The following SUPT3H variants were observed in gnomAD, a reference collection of about 807,000 sequenced individuals.
SUPT3H encodes transcription initiation protein SPT3 homolog.
SUPT3H carries 44 observed loss-of-function variants against 44.3 expected under a neutral mutation model. The ratio of observed to expected loss-of-function variants is 0.99; its 90% CI spans 0.78 to 1.28. The LOEUF is 1.28. Ranked by LOEUF, SUPT3H falls within the 50% of genes most tolerant of loss-of-function variation. The pLI, the probability that SUPT3H is intolerant of heterozygous loss-of-function variation, is 0.00. For synonymous variants in SUPT3H, 124 were observed against 125.6 expected (o/e 0.99, Z 0.09); for missense variants, 380 against 387.1 (o/e 0.98, Z 0.15).
At chr6:44,899,860 T>C (rs554132753) in intron 10 of SUPT3H, among the ~76,000 whole-genome samples, 13 of 152,214 alleles carry the variant, frequency 8.5e-5, no homozygotes, top group African/African-American at 1.2e-4. Flanking sequence ...ATGAATTTCA[T>C]AGACTTTCTG....
At chr6:45,032,804 C>G (rs556661489) in intron 3 of SUPT3H, among the ~76,000 whole-genome samples, 2 of 152,168 alleles carry the variant, frequency 1.3e-5, no homozygotes, top group South Asian at 2.1e-4. Flanking sequence ...CAACTTACCA[C>G]TCAGCACTCT....
chr6:44,936,017 A>G (rs1235519107), intron 9 of SUPT3H, among the ~76,000 whole-genome samples: 1 of 152,234 alleles, frequency 6.6e-6, no homozygotes, highest in Non-Finnish European at 1.5e-5. Flanking sequence ...ATGGTAAACT[A>G]GATCTTCTGC....
intron 2 of SUPT3H, among the ~76,000 whole-genome samples, chr6:45,239,682 G>C (rs1769920912): frequency 6.6e-6 from 1 of 152,220 alleles, no homozygotes; most frequent in African/African-American, 2.4e-5. Context: ...GTGTTTTACA[G>C]TGATAGGCAT....
At chr6:45,080,559 G>C (rs1442955742) in intron 3 of SUPT3H, among the ~76,000 whole-genome samples, 1 of 151,456 alleles carries the variant, frequency 6.6e-6, no homozygotes, top group African/African-American at 2.4e-5. Flanking sequence ...AATGAATAAA[G>C]AAAATGTGGC....
chr6:45,287,732 C>G (rs1296027699), intron 2 of SUPT3H, among the ~76,000 whole-genome samples: 4 of 152,142 alleles, frequency 2.6e-5, no homozygotes, highest in African/African-American at 7.2e-5. Context: ...CCAATGAACT[C>G]TACACTTAAA....
intron 2 of SUPT3H, among the ~76,000 whole-genome samples, chr6:45,337,830 G>A (rs945302129): frequency 4.6e-5 from 7 of 151,776 alleles, no homozygotes; most frequent in African/African-American, 1.2e-4. Context: ...TTCTTTTTGC[G>A]AAAACTCACT....
intron 2 of SUPT3H, among the ~76,000 whole-genome samples, chr6:45,308,631 T>C (rs1039866160): frequency 1.3e-5 from 2 of 152,010 alleles, no homozygotes; most frequent in Non-Finnish European, 2.9e-5. Flanking sequence ...TTAGGAGATA[T>C]AACTAATGTA....
At chr6:44,884,891 A>C (rs1406437702) in intron 10 of SUPT3H, among the ~76,000 whole-genome samples, 1 of 152,198 alleles carries the variant, frequency 6.6e-6, no homozygotes, top group Non-Finnish European at 1.5e-5. Flanking sequence ...CGGCACCTCG[A>C]AAATCGGGTC....
At chr6:44,946,786 A>G (rs1294651717) in intron 9 of SUPT3H, among the ~76,000 whole-genome samples, 1 of 152,232 alleles carries the variant, frequency 6.6e-6, no homozygotes, top group South Asian at 2.1e-4. Flanking sequence ...TTAGTTCCAT[A>G]AACTTAGCTG....
chr6:44,984,143 T>C (rs999100186), intron 6 of SUPT3H, among the ~76,000 whole-genome samples: 3 of 151,874 alleles, frequency 2.0e-5, no homozygotes, highest in African/African-American at 7.3e-5. Flanking sequence ...GTGAGAGAGG[T>C]GTAACAGGAT....
Position 45,281,608 on chromosome 6 carries a change from T to C in SUPT3H, c.101+83593A>G, listed in dbSNP as rs372268043. 7.2e-5 allele frequency among the ~76,000 whole-genome samples: 11 copies of C among 152,292 alleles called. No homozygotes were observed. In the East Asian group the frequency reaches 1.9e-3, roughly 27 times the overall value. ...AAGCAGCCGGGAAGCTCAAACTGGA[T>C]GGAGCCCAGCACAGCTCAAGGAGGC... On this transcript the variant is annotated intron_variant, in intron 2 of 10. Transcript: ENST00000371459.
chr6:44,857,273 T>C (rs1773894868), intron 10 of SUPT3H, among the ~76,000 whole-genome samples: 1 of 152,182 alleles, frequency 6.6e-6, no homozygotes, highest in Non-Finnish European at 1.5e-5. Context: ...AGCGCCATAA[T>C]GGACACATAA....
At chr6:44,917,085 T>C (rs907673263) in intron 10 of SUPT3H, among the ~76,000 whole-genome samples, 5 of 151,884 alleles carry the variant, frequency 3.3e-5, no homozygotes, top group African/African-American at 1.2e-4. Flanking sequence ...GCCTGGGAGG[T>C]TGAGGCTGCA....
At chr6:45,099,894 T>A (rs932170400) in intron 3 of SUPT3H, among the ~76,000 whole-genome samples, 1 of 152,140 alleles carries the variant, frequency 6.6e-6, no homozygotes, top group African/African-American at 2.4e-5. Flanking sequence ...TCAGGGCCAT[T>A]TACATATCAT....
chr6:44,839,865 C>G (rs1770639046), intron 10 of SUPT3H, among the ~76,000 whole-genome samples: 1 of 152,162 alleles, frequency 6.6e-6, no homozygotes, highest in Admixed American at 6.5e-5. Flanking sequence ...CCACGCCCGG[C>G]TACTTTTTGT....
intron 2 of SUPT3H, among the ~76,000 whole-genome samples, chr6:45,281,720 G>T (rs1778121069): frequency 6.6e-6 from 1 of 152,134 alleles, no homozygotes; most frequent in Non-Finnish European, 1.5e-5. Context: ...AAATGTCCCT[G>T]TCTGACAGCT....
In SUPT3H at chr6:44,953,197, TTGAC is replaced by T. The variant is rs1308618432; in HGVS notation, c.801+109_801+112del. 3.6e-5 allele frequency: 28 copies of T among 779,448 alleles called. No homozygotes were observed. The Admixed American group carries it at 5.0e-4, about 14-fold the overall frequency. The allele number at this position is 779,448 out of a possible 1,614,324, so 48.3% of individuals were successfully genotyped here. A position where few individuals can be genotyped will look rare whatever the true frequency, so the allele number is the denominator to read the frequency against. Reference sequence around the variant, plus strand: ...TGAATGTCTAATGTATTAAGATTCTTTGACTGAAGGTTATACACTCCTGCATAAT... The same window carrying T: ...TGAATGTCTAATGTATTAAGATTCTTTGAAGGTTATACACTCCTGCATAAT... On this transcript the variant is annotated intron_variant, in intron 9 of 10. Transcript: ENST00000371459.
At chr6:45,092,749 T>A (rs1027385858) in intron 3 of SUPT3H, among the ~76,000 whole-genome samples, 8 of 12,562 alleles carry the variant, frequency 6.4e-4, no homozygotes, top group Non-Finnish European at 9.2e-4. Context: ...AGACTTCGTC[T>A]CAAAAAAAAA....
chr6:44,932,763 T>A lies in SUPT3H; in HGVS notation c.802A>T (p.Ser268Cys). 6.3e-7 allele frequency: 1 copy of A among 1,591,834 alleles called. No homozygotes were observed. The highest frequency in any genetic ancestry group is 8.5e-7 in the Non-Finnish European group (1 of 1,170,814). The change falls in exon 10 of 11, where the codon AGC becomes TGC. Residue 268 changes from serine (S) to cysteine (C), a missense_variant and splice_region_variant. Coordinates refer to ENST00000371459, the MANE Select transcript of SUPT3H (RefSeq NM_003599.4). ...GCCTCAACACCACAGGCTGCAGTGC[T>A]CTGCGACAGAAAAACACATAAATTG... The part of the protein sequence containing the change: ...TFIQYHNSAE[S>C]TAACGVEAHS...
Sources: allele counts gnomAD v4.1 joint callset (sites outside exome capture counted in the v4.1 genomes callset), GRCh38; gene constraint gnomAD v4.1.1; transcripts MANE v1.5; gene names NCBI Gene and HGNC (gene_info 2026-07-23, HGNC 2026-07-21).